The following PLA2G12A variants were observed in gnomAD, a reference collection of about 807,000 sequenced individuals.
PLA2G12A encodes the protein group XIIA secretory phospholipase A2.
In PLA2G12A, 11 loss-of-function variants were observed where a neutral mutation model predicts 16.0. That is an observed-to-expected ratio of 0.69 (90% CI 0.43 to 1.13). The LOEUF is 1.13. PLA2G12A is among the 50% of genes most tolerant of loss of function. The pLI is 0.00. For synonymous variants in PLA2G12A, 77 were observed against 93.8 expected (o/e 0.82, Z 1.03); for missense variants, 214 against 237.3 (o/e 0.90, Z 0.65).
chr4:109,713,284 G>C lies in PLA2G12A; in HGVS notation c.*1093C>G, dbSNP rs1324012794. The C allele has an allele frequency of 2.6e-5, 4 of 152,324 alleles. No homozygotes were observed. Among genetic ancestry groups the C allele is most frequent in the Non-Finnish European group, 4.4e-5 (3 of 68,030 alleles). 9.4% of individuals were successfully genotyped at this position (152,324 alleles called of 1,614,324 possible). A position where few individuals can be genotyped will look rare whatever the true frequency, so the allele number is the denominator to read the frequency against. On this transcript the variant is annotated 3_prime_UTR_variant, in exon 4 of 4. Transcript: ENST00000243501. Reference sequence around the variant, plus strand: ...TTTTCAACATTCATAGACATCTTCAGAAGCTGTTGAAGTTTTCTTGGATTT... The same window carrying C: ...TTTTCAACATTCATAGACATCTTCACAAGCTGTTGAAGTTTTCTTGGATTT...
In PLA2G12A at chr4:109,714,156, A is replaced by G. The variant is rs1190367805; in HGVS notation, c.*221T>C. On this transcript the variant is annotated 3_prime_UTR_variant, in exon 4 of 4. Coordinates refer to ENST00000243501, the MANE Select transcript of PLA2G12A (RefSeq NM_030821.5). ...AGACATTTGGCATACTAAGTAAGGG[A>G]GCAATGCTGGGGAAGATACCTGAGA... 3.8e-6 allele frequency: 2 copies of G among 523,824 alleles called. No homozygotes were observed. Among genetic ancestry groups the G allele is most frequent in the African/African-American group, 1.9e-5 (1 of 52,824 alleles). 32.4% of individuals were successfully genotyped at this position (523,824 alleles called of 1,614,324 possible). A position where few individuals can be genotyped will look rare whatever the true frequency, so the allele number is the denominator to read the frequency against.
chr4:109,720,458 G>C (rs1422132503), intron 1 of PLA2G12A, among the ~76,000 whole-genome samples: 1 of 150,720 alleles, frequency 6.6e-6, no homozygotes, highest in Non-Finnish European at 1.5e-5. Context: ...CTGAAAAATG[G>C]TTTTGGCTGG....
At position 109,729,990 on chromosome 4, in the gene PLA2G12A, C is replaced by A. The variant is rs11555260; in HGVS notation, c.-181G>T. 0.38 allele frequency: 209,203 copies of A among 555,050 alleles called. 42,640 individuals are homozygous for A. Among genetic ancestry groups the A allele is most frequent in the Non-Finnish European group, 0.43 (142,579 of 329,060 alleles). The allele number at this position is 555,050 out of a possible 1,614,324, so 34.4% of individuals were successfully genotyped here. On this transcript the variant is annotated 5_prime_UTR_variant, in exon 1 of 4. Transcript: ENST00000243501. The stretch of plus-strand genomic sequence containing the variant: ...CTGTCTTTACGTGAACCGCCTCGGG[C>A]AGGCAGCGCCGTCGCGGGGACGCGC...
chr4:109,727,320 A>G (rs1197106902), intron 1 of PLA2G12A, among the ~76,000 whole-genome samples: 2 of 151,990 alleles, frequency 1.3e-5, no homozygotes, highest in African/African-American at 4.8e-5. Flanking sequence ...CATGTTGGCC[A>G]GGCTGGTCTC....
At chr4:109,726,001 T>C (rs1339771118) in intron 1 of PLA2G12A, among the ~76,000 whole-genome samples, 1 of 152,186 alleles carries the variant, frequency 6.6e-6, no homozygotes, top group Non-Finnish European at 1.5e-5. Flanking sequence ...TTCCCCATCT[T>C]CTCTGTCAGC....
chr4:109,718,639 G>C (rs1159148946), intron 2 of PLA2G12A, 44 bp downstream of exon 2: 2 of 1,400,272 alleles, frequency 1.4e-6, no homozygotes, highest in African/African-American at 1.4e-5. Flanking sequence ...AGTATTACAT[G>C]ATTTACCAGT....
rs1483926058 is a variant in PLA2G12A at position 109,711,455 on chromosome 4, A to G, written c.*2922T>C. 6.6e-6 allele frequency: 1 copy of G among 152,176 alleles called. No homozygotes were observed. The highest frequency in any genetic ancestry group is 1.5e-5 in the Non-Finnish European group (1 of 68,044). The allele number at this position is 152,176 out of a possible 1,614,324, so 9.4% of individuals were successfully genotyped here. On this transcript the variant is annotated 3_prime_UTR_variant, in exon 4 of 4. Coordinates refer to ENST00000243501, the MANE Select transcript of PLA2G12A (RefSeq NM_030821.5). ...CATCTTGTAGTGCCAGAAAGTAAGAAGTGCTCAAAAATCAAAAGGATGGGC... is the reference window on the plus strand; with the variant it reads ...CATCTTGTAGTGCCAGAAAGTAAGAGGTGCTCAAAAATCAAAAGGATGGGC...
intron 1 of PLA2G12A, among the ~76,000 whole-genome samples, chr4:109,720,134 G>A (rs1488031392): frequency 6.6e-6 from 1 of 152,056 alleles, no homozygotes; most frequent in Non-Finnish European, 1.5e-5. Context: ...ACAATCCTCT[G>A]CCCCTTGGGG....
rs201421542 is a variant in PLA2G12A, at chr4:109,729,786, C to T, written c.24G>A (p.Ala8=). 398 of 1,556,638 alleles carry T rather than the reference C, an allele frequency of 2.6e-4. 12 individuals carry two copies. In the Admixed American group the frequency reaches 7.5e-3, roughly 29 times the overall value. The part of the protein sequence containing the change: MALLSRP[A]LTLLLLLMAA... ...CCATGAGGAGGAGCAGGAGGGTGAG[C>T]GCGGGGCGCGAGAGCAGGGCCATGC... The change falls in exon 1 of 4, where the codon GCG becomes GCA. Residue 8 remains alanine (A), a synonymous_variant. Transcript: ENST00000243501.
Position 109,730,011 on chromosome 4 carries a change from C to G in PLA2G12A, c.-202G>C. The G allele has an allele frequency of 3.9e-6, 2 of 519,030 alleles. No homozygotes were observed. Among genetic ancestry groups the G allele is most frequent in the Non-Finnish European group, 3.3e-6 (1 of 301,062 alleles). The allele number at this position is 519,030 out of a possible 1,614,324, so 32.2% of individuals were successfully genotyped here. A position where few individuals can be genotyped will look rare whatever the true frequency, so the allele number is the denominator to read the frequency against. ...CGGGCAGGCAGCGCCGTCGCGGGGA[C>G]GCGCCCGCTCACCTGGACCAGCGCG... On this transcript the variant is annotated 5_prime_UTR_variant, in exon 1 of 4. Transcript: ENST00000243501.
intron 1 of PLA2G12A, among the ~76,000 whole-genome samples, chr4:109,724,729 A>C (rs1370914073): frequency 6.6e-6 from 1 of 152,240 alleles, no homozygotes; most frequent in Non-Finnish European, 1.5e-5. Flanking sequence ...GATAGTACAG[A>C]GAAGGACAAC....
chr4:109,724,868 A>T (rs1445753258), intron 1 of PLA2G12A, among the ~76,000 whole-genome samples: 1 of 152,224 alleles, frequency 6.6e-6, no homozygotes, highest in Admixed American at 6.5e-5. Context: ...TCTACTGTAC[A>T]TGAAAAACTG....
intron 1 of PLA2G12A, among the ~76,000 whole-genome samples, chr4:109,724,355 C>T (rs1722881779): frequency 1.3e-5 from 2 of 152,094 alleles, no homozygotes. Context: ...GAACTCCTGA[C>T]AGGTGATCCG....
At chr4:109,720,574 CAAAAAAAAAAAAAAAAAAA>C (rs61477793) in intron 1 of PLA2G12A, among the ~76,000 whole-genome samples, 5 of 37,468 alleles carry the variant, frequency 1.3e-4, no homozygotes, top group African/African-American at 6.1e-4. Context: ...TGTCTGTATT[CAAAAAAAAAAAAAAAAAAA>C]AAAAAAAAAA....
Position 109,714,327 on chromosome 4 carries a change from C to G in PLA2G12A, c.*50G>C, listed in dbSNP as rs750270543. ...TGTTGTAAAAACATTAGTTATTTGT[C>G]AAAGGTATGTTCTTCCATCTTCATC... On this transcript the variant is annotated 3_prime_UTR_variant, in exon 4 of 4. Transcript: ENST00000243501. 5.4e-6 allele frequency: 6 copies of G among 1,112,250 alleles called. No homozygotes were observed. The highest frequency in any genetic ancestry group is 7.9e-6 in the Non-Finnish European group (6 of 757,086). The allele number at this position is 1,112,250 out of a possible 1,614,324, so 68.9% of individuals were successfully genotyped here.
chr4:109,714,062 A>G lies in PLA2G12A; in HGVS notation c.*315T>C. ...TCTTTTTTTGGTAAATGTGGTTGTGAAAATTGAGTTATATATTCCTCTTTT... is the reference window on the plus strand; with the variant it reads ...TCTTTTTTTGGTAAATGTGGTTGTGGAAATTGAGTTATATATTCCTCTTTT... On this transcript the variant is annotated 3_prime_UTR_variant, in exon 4 of 4. Coordinates refer to ENST00000243501, the MANE Select transcript of PLA2G12A (RefSeq NM_030821.5). 4.4e-6 allele frequency: 1 copy of G among 224,786 alleles called. No individual in the cohort carries two copies. The allele number at this position is 224,786 out of a possible 1,614,324, so 13.9% of individuals were successfully genotyped here.
chr4:109,720,590 AAAAAAAAAAAAAAAATATATAT>A (rs1171500237), intron 1 of PLA2G12A, among the ~76,000 whole-genome samples: 219 of 49,366 alleles, frequency 4.4e-3, no homozygotes, highest in Non-Finnish European at 5.5e-3. Context: ...AAAAAAAAAA[AAAAAAAAAAAAAAAATATATAT>A]ATATATATAT....
At chr4:109,728,588 C>G (rs1048582161) in intron 1 of PLA2G12A, among the ~76,000 whole-genome samples, 1 of 152,238 alleles carries the variant, frequency 6.6e-6, no homozygotes, top group Non-Finnish European at 1.5e-5. Context: ...ATACAAGATA[C>G]AGTTCATCCT....
intron 1 of PLA2G12A, among the ~76,000 whole-genome samples, chr4:109,725,706 C>A (rs1239246039): frequency 6.6e-6 from 1 of 152,182 alleles, no homozygotes; most frequent in African/African-American, 2.4e-5. Context: ...TAGACTGAGA[C>A]AAAGTTGATT....
Sources: allele counts gnomAD v4.1 joint callset (sites outside exome capture counted in the v4.1 genomes callset), GRCh38; gene constraint gnomAD v4.1.1; transcripts MANE v1.5; gene names NCBI Gene and HGNC (gene_info 2026-07-23, HGNC 2026-07-21).